Variants in HDAC1 observed in about 807,000 individuals in gnomAD.
The protein encoded by HDAC1 is histone deacetylase 1, also known as protein deacetylase HDAC1.
A neutral mutation model predicts 65.5 loss-of-function variants in HDAC1; 18 were observed. The observed-to-expected ratio is 0.27, with a 90% CI of 0.19 to 0.41. The LOEUF is 0.41. Ranked by LOEUF, HDAC1 falls within the 10% of genes least tolerant of loss-of-function variation. The pLI is 1.00. For missense variants in HDAC1, 373 were observed against 625.2 expected, an observed-to-expected ratio of 0.60 and a Z score of 4.30; for synonymous variants, 211 against 227.9, an observed-to-expected ratio of 0.93 and a Z score of 0.67.
At chr1:32,326,781 C>T (rs1056621391) in intron 4 of HDAC1, among the ~76,000 whole-genome samples, 158 bp from the exon 5 acceptor site, 1 of 140,178 alleles carries the variant, frequency 7.1e-6, no homozygotes, top group Non-Finnish European at 1.6e-5. Context: ...CATGTATTCC[C>T]TGCTGAAGTA....
In HDAC1 at chr1:32,330,113, T is replaced by C. The variant is rs1475008949; in HGVS notation, c.730-465T>C. ...CTGACTGCCCACTATGTGCCTAGTA[T>C]TTAATAAGGGCTACAGAAGTGGGAG... On this transcript the variant is annotated intron_variant, in intron 7 of 13. Transcript: ENST00000373548. The surrounding 1 kb of genome is among the most constrained non-coding windows in gnomAD (Gnocchi z 4.2). The C allele has an allele frequency of 5.8e-6, 1 of 171,654 alleles. No individual in the cohort carries two copies. Among genetic ancestry groups the C allele is most frequent in the African/African-American group, 2.4e-5 (1 of 41,746 alleles). 10.6% of individuals were successfully genotyped at this position (171,654 alleles called of 1,614,324 possible).
rs16834956 is a variant in HDAC1, at chr1:32,324,445, T to G, written c.281-34T>G. 3.6e-3 allele frequency: 5,161 copies of G among 1,440,330 alleles called. 168 individuals carry two copies. The African/African-American group carries it at 0.064, about 18-fold the overall frequency. 89.2% of individuals were successfully genotyped at this position (1,440,330 alleles called of 1,614,324 possible). A position where few individuals can be genotyped will look rare whatever the true frequency, so the allele number is the denominator to read the frequency against. On this transcript the variant is annotated intron_variant, in intron 3 of 13. Coordinates refer to ENST00000373548, the MANE Select transcript of HDAC1 (RefSeq NM_004964.3). ...CATAAATATGTAAACTAAAGGAAATTGTGGAAACTAACCTTTTGCTTATTT... is the reference window on the plus strand; with the variant it reads ...CATAAATATGTAAACTAAAGGAAATGGTGGAAACTAACCTTTTGCTTATTT...
At chr1:32,302,408 G>A (rs577019716) in intron 1 of HDAC1, among the ~76,000 whole-genome samples, 1 of 151,428 alleles carries the variant, frequency 6.6e-6, no homozygotes, top group Admixed American at 6.6e-5. Context: ...AAGAAAGTGA[G>A]CTAGACTGAA....
rs1364730091 is a variant in HDAC1, at chr1:32,327,585, G to A, written c.544G>A (p.Gly182Ser). The A allele has an allele frequency of 1.9e-6, 3 of 1,612,706 alleles. No homozygotes were observed. The highest frequency in any genetic ancestry group is 1.7e-6 in the Non-Finnish European group (2 of 1,178,814). The change falls in exon 6 of 14, where the codon GGC (glycine) becomes AGC (serine). Residue 182 changes from glycine (G) to serine (S), a missense_variant. By Grantham distance (56) the Gly-to-Ser change is moderately conservative. This residue lies in a region of HDAC1 where 62 missense variants were observed against 180.0 expected (regional missense o/e 0.34). Coordinates refer to ENST00000373548, the MANE Select transcript of HDAC1 (RefSeq NM_004964.3). The surrounding 1 kb of genome is among the most constrained non-coding windows in gnomAD (Gnocchi z 6.0). ...TGACATTGATATTCACCATGGTGAC[G>A]GCGTGGAAGAGGCCTTCTACACCAC... ...YIDIDIHHGD[G>S]VEEAFYTTDR...
At chr1:32,324,777 C>T (rs1468116788) in intron 4 of HDAC1, among the ~76,000 whole-genome samples, 1 of 151,954 alleles carries the variant, frequency 6.6e-6, no homozygotes, top group Non-Finnish European at 1.5e-5. Context: ...AAGACCAGCC[C>T]AGGCAACATA....
intron 2 of HDAC1, among the ~76,000 whole-genome samples, chr1:32,306,350 G>A (rs1640911730): frequency 6.6e-6 from 1 of 151,976 alleles, no homozygotes; most frequent in African/African-American, 2.4e-5. Flanking sequence ...TAGAGATGGG[G>A]TTTCTCCACG....
chr1:32,298,105 G>GT (rs1640794636), intron 1 of HDAC1, among the ~76,000 whole-genome samples: 1 of 64,828 alleles, frequency 1.5e-5, no homozygotes, highest in Admixed American at 1.7e-4. Context: ...TTTTTTTTTT[G>GT]AGACCAAGTT....
chr1:32,305,808 C>T (rs1407746281), intron 2 of HDAC1, among the ~76,000 whole-genome samples: 3 of 152,118 alleles, frequency 2.0e-5, no homozygotes, highest in Non-Finnish European at 4.4e-5. Flanking sequence ...TGGGGTTTTG[C>T]TGTGTTAACC....
At position 32,330,975 on chromosome 1, in the gene HDAC1, AT is replaced by A; in HGVS notation, c.979+68del. The A allele has an allele frequency of 6.6e-7, 1 of 1,513,688 alleles. No individual in the cohort carries two copies. The highest frequency in any genetic ancestry group is 9.2e-7 in the Non-Finnish European group (1 of 1,091,924). The allele number at this position is 1,513,688 out of a possible 1,614,324, so 93.8% of individuals were successfully genotyped here. A position where few individuals can be genotyped will look rare whatever the true frequency, so the allele number is the denominator to read the frequency against. ...CTGGAGCTCATCTGTCCTTAAGTTT[AT>A]AACCCCTTCCCCGTTGGTCATATGA... On this transcript the variant is annotated intron_variant, in intron 9 of 13. Transcript: ENST00000373548. The surrounding 1 kb of genome is among the most constrained non-coding windows in gnomAD (Gnocchi z 4.2).
rs1557613705 is a variant in HDAC1 at position 32,331,865 on chromosome 1, C to T, written c.1219+59C>T. Reference sequence around the variant, plus strand: ...TTCAATAGGCAGCTCACACTTCCACCACCATTCCTGGCTGCACACTCCCTC... The same window carrying T: ...TTCAATAGGCAGCTCACACTTCCACTACCATTCCTGGCTGCACACTCCCTC... On this transcript the variant is annotated intron_variant, in intron 11 of 13. Transcript: ENST00000373548. The surrounding 1 kb of genome is among the most constrained non-coding windows in gnomAD (Gnocchi z 4.2). The T allele has an allele frequency of 1.3e-6, 2 of 1,543,642 alleles. No individual in the cohort carries two copies. Among genetic ancestry groups the T allele is most frequent in the African/African-American group, 2.8e-5 (2 of 72,588 alleles).
At chr1:32,292,260 C>G in intron 1 of HDAC1, 42 bp downstream of exon 1, 1 of 1,546,166 alleles carries the variant, frequency 6.5e-7, no homozygotes, top group Non-Finnish European at 8.7e-7. Context: ...CAGGCCGGGC[C>G]GGACCGGGAA....
intron 3 of HDAC1, among the ~76,000 whole-genome samples, chr1:32,319,414 A>G (rs1329849689): frequency 6.6e-6 from 1 of 152,174 alleles, no homozygotes; most frequent in Admixed American, 6.6e-5. Context: ...ACAGTGCTTT[A>G]TAACCTGGGG....
chr1:32,332,671 C>T (rs1262593995), intron 12 of HDAC1, 30 bp from the exon 13 acceptor site: 1 of 1,543,416 alleles, frequency 6.5e-7, no homozygotes, highest in Middle Eastern at 1.7e-4. Context: ...AGGTGCTGCC[C>T]TTGGCCATCC....
chr1:32,292,297 TGGGAGGCTGC>T (rs1171601706), intron 1 of HDAC1, 79 bp downstream of exon 1: 20 of 1,537,982 alleles, frequency 1.3e-5, no homozygotes, highest in Non-Finnish European at 1.6e-5. Context: ...GGAGCGCCGA[TGGGAGGCTGC>T]GGGAGGCTGA....
intron 4 of HDAC1, among the ~76,000 whole-genome samples, chr1:32,326,533 C>G (rs1403759923): frequency 6.6e-6 from 1 of 152,014 alleles, no homozygotes; most frequent in East Asian, 1.9e-4. Flanking sequence ...CACATGCAAT[C>G]CAGGATACAT....
At chr1:32,302,768 C>T (rs1640867201) in intron 2 of HDAC1, 35 bp downstream of exon 2, 2 of 926,378 alleles carry the variant, frequency 2.2e-6, no homozygotes, top group South Asian at 1.3e-5. Context: ...TCCCTAACCT[C>T]ATCTGCTCTG....
chr1:32,315,083 A>AG (rs879773994), intron 2 of HDAC1, among the ~76,000 whole-genome samples: 8 of 152,188 alleles, frequency 5.3e-5, no homozygotes, highest in Non-Finnish European at 1.2e-4. Flanking sequence ...AGAGAGGCAG[A>AG]GGGTCATGTT....
intron 3 of HDAC1, among the ~76,000 whole-genome samples, chr1:32,322,711 C>T (rs1641163956): frequency 6.6e-6 from 1 of 152,194 alleles, no homozygotes; most frequent in East Asian, 1.9e-4. Flanking sequence ...TTATGTACTA[C>T]TTGGTACTTT....
At chr1:32,315,646 C>G (rs1437162458) in intron 2 of HDAC1, among the ~76,000 whole-genome samples, 5 of 151,192 alleles carry the variant, frequency 3.3e-5, no homozygotes, top group Non-Finnish European at 5.9e-5. Flanking sequence ...AGCCACTGCA[C>G]TCGGCCAGTT....
Sources: gnomAD v4.1 joint callset for allele counts (sites outside exome capture counted in the v4.1 genomes callset) on GRCh38, gnomAD v4.1.1 for gene constraint, gnomAD v4.1.1 regional missense constraint, Gnocchi (gnomAD v3.1) non-coding constraint, MANE v1.5 for transcripts, NCBI Gene and HGNC (gene_info 2026-07-23, HGNC 2026-07-21) for gene names.